BEND3: variants seen among roughly 807,000 people sequenced by gnomAD.
BEND3 encodes BEN domain-containing protein 3.
BEND3 carries 13 observed loss-of-function variants against 60.1 expected under a neutral mutation model. The observed-to-expected ratio is 0.22, with a 90% CI of 0.14 to 0.34. BEND3 has a LOEUF of 0.34. BEND3 is among the 10% of genes least tolerant of loss of function. The probability of loss-of-function intolerance (pLI) is 1.00; values close to 1 mark genes in which losing one functional copy is unlikely to be tolerated. For synonymous variants in BEND3, 497 were observed against 491.5 expected (o/e 1.01, Z -0.15); for missense variants, 896 against 1,138.1 (o/e 0.79, Z 3.06).
chr6:107,085,373 C>T (rs1448524013), intron 3 of BEND3, among the ~76,000 whole-genome samples: 2 of 152,222 alleles, frequency 1.3e-5, no homozygotes, highest in African/African-American at 2.4e-5. Context: ...CAGGTTCTCA[C>T]AGCGAATATT....
intron 3 of BEND3, among the ~76,000 whole-genome samples, chr6:107,079,424 G>A (rs1444153289): frequency 6.6e-6 from 1 of 152,184 alleles, no homozygotes; most frequent in Non-Finnish European, 1.5e-5. Context: ...GTCTAATTGA[G>A]CTGGTTAATA....
chr6:107,070,842 C>T lies in BEND3; in HGVS notation c.349G>A (p.Glu117Lys). ...GGGGTGGTGGCATCGTTGCAGGGCTCCTCCTCTCCAGGCCACACATTGCCC... is the reference window on the plus strand; with the variant it reads ...GGGGTGGTGGCATCGTTGCAGGGCTTCTCCTCTCCAGGCCACACATTGCCC... Reference protein sequence around the residue: ...SLGNVWPGEEEPCNDATTPSY... With the variant: ...SLGNVWPGEEKPCNDATTPSY... Residue 117 changes from glutamate to lysine, a missense_variant, in exon 4 of 4, where the codon GAG (glutamate) becomes AAG (lysine). This residue lies in a region of BEND3 where 846 missense variants were observed against 1,036.7 expected (regional missense o/e 0.82). Transcript: ENST00000369042. This position sits in a 1 kb window ranked among gnomAD's most constrained non-coding sequence, Gnocchi z 6.9. 2 of 1,613,964 alleles carry T rather than the reference C, an allele frequency of 1.2e-6. No homozygotes were observed. Among genetic ancestry groups the T allele is most frequent in the East Asian group, 4.5e-5 (2 of 44,880 alleles).
chr6:107,096,932 C>G (rs1775597048), intron 3 of BEND3, among the ~76,000 whole-genome samples: 1 of 152,086 alleles, frequency 6.6e-6, no homozygotes, highest in Non-Finnish European at 1.5e-5. Flanking sequence ...TTGCAGTGAG[C>G]TGAGATTGCG....
At chr6:107,079,780 C>T (rs191894771) in intron 3 of BEND3, among the ~76,000 whole-genome samples, 45 of 152,276 alleles carry the variant, frequency 3.0e-4, no homozygotes, top group African/African-American at 1.1e-3. Flanking sequence ...CCTGAGTTTG[C>T]TCAGCTGCCT....
intron 3 of BEND3, among the ~76,000 whole-genome samples, chr6:107,077,585 G>C (rs1267385016): frequency 6.6e-6 from 1 of 152,144 alleles, no homozygotes; most frequent in East Asian, 1.9e-4. Flanking sequence ...AGATTCTGGG[G>C]AGATAAAGCA....
Position 107,070,390 on chromosome 6 carries a change from G to C in BEND3, c.801C>G (p.Ala267=), listed in dbSNP as rs1554231807. 5.0e-6 allele frequency: 8 copies of C among 1,613,876 alleles called. 1 individual carries two copies. Among genetic ancestry groups the C allele is most frequent in the Middle Eastern group, 1.6e-4 (1 of 6,062 alleles). Reference sequence around the variant, plus strand: ...GGAAGAGCTGCACCAGCAAGCGGCAGGCCAGGTCCCCCCCTGACAGGCTCT... The same window carrying C: ...GGAAGAGCTGCACCAGCAAGCGGCACGCCAGGTCCCCCCCTGACAGGCTCT... ...VDQSLSGGDL[A]CRLLVQLFPE... is the part of the protein sequence containing the mutation. The change falls in exon 4 of 4, where the codon GCC becomes GCG. Residue 267 remains alanine, a synonymous_variant. Coordinates refer to ENST00000369042, the MANE Select transcript of BEND3 (RefSeq NM_001367314.1). The surrounding 1 kb of genome is among the most constrained non-coding windows in gnomAD (Gnocchi z 6.9).
At chr6:107,101,882 A>G (rs1775708818) in intron 1 of BEND3, among the ~76,000 whole-genome samples, 1 of 152,182 alleles carries the variant, frequency 6.6e-6, no homozygotes, top group African/African-American at 2.4e-5. Context: ...CACATAACCC[A>G]TTCCTGCCAA....
At position 107,099,154 on chromosome 6, in the gene BEND3, A is replaced by G. The variant is rs78776849; in HGVS notation, c.37+95T>C. On this transcript the variant is annotated intron_variant, in intron 2 of 3. Transcript: ENST00000369042. ...GTGTGGGTGGAGGGGACTTTTCACT[A>G]TATAACTTTGTATATTTTTGGACCA... 8.9e-3 allele frequency: 9,425 copies of G among 1,055,498 alleles called. 538 individuals carry two copies. The African/African-American group carries it at 0.13, about 14-fold the overall frequency. The allele number at this position is 1,055,498 out of a possible 1,614,324, so 65.4% of individuals were successfully genotyped here.
At chr6:107,087,788 A>G (rs1383936498) in intron 3 of BEND3, among the ~76,000 whole-genome samples, 2 of 138,664 alleles carry the variant, frequency 1.4e-5, no homozygotes, top group African/African-American at 5.3e-5. Flanking sequence ...CACAAATGAA[A>G]ATACTTTTTT....
intron 3 of BEND3, among the ~76,000 whole-genome samples, chr6:107,071,376 C>A (rs534128437): frequency 3.7e-4 from 55 of 147,534 alleles, no homozygotes; most frequent in Non-Finnish European, 6.6e-4. Flanking sequence ...CGTCTGCTCT[C>A]AGGAAGGGAC....
intron 3 of BEND3, among the ~76,000 whole-genome samples, chr6:107,085,091 G>C (rs1355676576): frequency 6.6e-6 from 1 of 151,592 alleles, no homozygotes; most frequent in Admixed American, 6.6e-5. Flanking sequence ...AACCCACTGG[G>C]AGGAACAAAC....
At position 107,066,758 on chromosome 6, in the gene BEND3, G is replaced by A. The variant is rs1310280921; in HGVS notation, c.*1946C>T. The A allele has an allele frequency of 6.6e-6, 1 of 152,632 alleles. No homozygotes were observed. The highest frequency in any genetic ancestry group is 2.4e-5 in the African/African-American group (1 of 41,422). 9.5% of individuals were successfully genotyped at this position (152,632 alleles called of 1,614,324 possible). On this transcript the variant is annotated 3_prime_UTR_variant, in exon 4 of 4. Transcript: ENST00000369042. ...TGGGAGAGGGCCACAGCTGTCTTTG[G>A]GTAGGGTGCGTGTGTGTGCATGCTG...
At position 107,068,891 on chromosome 6, in the gene BEND3, C is replaced by G; in HGVS notation, c.2300G>C (p.Cys767Ser). Reference protein sequence around the residue: ...LRLQYNHSGACNKKQLDPTRL... With the variant: ...LRLQYNHSGASNKKQLDPTRL... ...CGTGGGGTCCAGTTGCTTCTTGTTG[C>G]AAGCCCCGGAATGGTTGTACTGCAG... is the stretch of plus-strand genomic sequence containing the variant. The change falls in exon 4 of 4, where the codon TGC becomes TCC. Residue 767 changes from cysteine to serine, a missense_variant. By Grantham distance (112) the Cys-to-Ser change is moderately radical. Around this residue, in one of 4 missense-constraint regions of BEND3, gnomAD observed 29 missense variants for 51.9 expected, o/e 0.56. Coordinates refer to ENST00000369042, the MANE Select transcript of BEND3 (RefSeq NM_001367314.1). The surrounding 1 kb of genome is among the most constrained non-coding windows in gnomAD (Gnocchi z 5.8). 6.2e-7 allele frequency: 1 copy of G among 1,613,772 alleles called. No individual in the cohort carries two copies. The highest frequency in any genetic ancestry group is 8.5e-7 in the Non-Finnish European group (1 of 1,179,952).
At chr6:107,082,854 T>C (rs1287029333) in intron 3 of BEND3, among the ~76,000 whole-genome samples, 4 of 152,232 alleles carry the variant, frequency 2.6e-5, no homozygotes, top group Admixed American at 1.3e-4. Flanking sequence ...CTTGAAAACT[T>C]GAAGTGAGTT....
chr6:107,110,664 G>A (rs1156976938), intron 1 of BEND3, among the ~76,000 whole-genome samples: 3 of 152,124 alleles, frequency 2.0e-5, no homozygotes, highest in South Asian at 2.1e-4. Flanking sequence ...AGGTTCAAGC[G>A]ATTCTCCCGC....
intron 1 of BEND3, among the ~76,000 whole-genome samples, chr6:107,108,635 C>A (rs553515073): frequency 5.9e-5 from 9 of 152,264 alleles, no homozygotes; most frequent in African/African-American, 1.9e-4. Flanking sequence ...TCTGCTAGCT[C>A]CATGCTCAAA....
In BEND3 at chr6:107,068,421, C is replaced by T; in HGVS notation, c.*283G>A. Reference sequence around the variant, plus strand: ...GGAGGGCACAACCAGGGAGAGAGGACCCCTAACCTCTGGTCCCTGCCCTCA... The same window carrying T: ...GGAGGGCACAACCAGGGAGAGAGGATCCCTAACCTCTGGTCCCTGCCCTCA... On this transcript the variant is annotated 3_prime_UTR_variant, in exon 4 of 4. Transcript: ENST00000369042. The surrounding 1 kb of genome is among the most constrained non-coding windows in gnomAD (Gnocchi z 5.8). The T allele has an allele frequency of 2.6e-6, 1 of 380,650 alleles. No individual in the cohort carries two copies. 23.6% of individuals were successfully genotyped at this position (380,650 alleles called of 1,614,324 possible).
intron 1 of BEND3, among the ~76,000 whole-genome samples, chr6:107,105,776 T>C (rs1221593136): frequency 1.3e-5 from 2 of 152,230 alleles, no homozygotes; most frequent in African/African-American, 2.4e-5. Flanking sequence ...CTCGCCACTG[T>C]GCTGAGGTGC....
In BEND3 at chr6:107,070,514, C is replaced by T. The variant is rs1554231846; in HGVS notation, c.677G>A (p.Arg226His). The T allele has an allele frequency of 5.0e-6, 8 of 1,613,884 alleles. No homozygotes were observed. Among genetic ancestry groups the T allele is most frequent in the African/African-American group, 1.3e-5 (1 of 75,014 alleles). ...KVDLLSLEVS[R>H]IKKQVSPTEM... Reference sequence around the variant, plus strand: ...AGTGGGGCTCACCTGCTTCTTGATGCGGCTCACCTCAAGGGAGAGCAGGTC... The same window carrying T: ...AGTGGGGCTCACCTGCTTCTTGATGTGGCTCACCTCAAGGGAGAGCAGGTC... The change falls in exon 4 of 4, where the codon CGC (arginine) becomes CAC (histidine). Residue 226 changes from arginine (R) to histidine (H), a missense_variant. Physicochemically the swap from Arg to His is conservative, Grantham distance 29. This residue lies in a region of BEND3 where 846 missense variants were observed against 1,036.7 expected (regional missense o/e 0.82). Coordinates refer to ENST00000369042, the MANE Select transcript of BEND3 (RefSeq NM_001367314.1). The surrounding 1 kb of genome is among the most constrained non-coding windows in gnomAD (Gnocchi z 6.9).
Sources: gnomAD v4.1 joint callset for allele counts (sites outside exome capture counted in the v4.1 genomes callset) on GRCh38, gnomAD v4.1.1 for gene constraint, gnomAD v4.1.1 regional missense constraint, Gnocchi (gnomAD v3.1) non-coding constraint, MANE v1.5 for transcripts, NCBI Gene and HGNC (gene_info 2026-07-23, HGNC 2026-07-21) for gene names.